MMP16: variants seen among roughly 807,000 people sequenced by gnomAD.
The protein encoded by MMP16 is matrix metallopeptidase 16, also known as matrix metalloproteinase-16.
MMP16 carries 12 observed loss-of-function variants against 67.8 expected under a neutral mutation model. That is an observed-to-expected ratio of 0.18 (90% CI 0.11 to 0.29). The LOEUF (loss-of-function observed/expected upper bound fraction) is 0.29, where lower values mean the gene tolerates loss of function less well. MMP16 is among the 10% of genes least tolerant of loss of function. MMP16 has a pLI of 1.00. For synonymous variants in MMP16, 249 were observed against 255.9 expected (o/e 0.97, Z 0.26); for missense variants, 475 against 765.7 (o/e 0.62, Z 4.48).
intron 1 of MMP16, among the ~76,000 whole-genome samples, chr8:88,212,976 A>G (rs1452951084): frequency 6.6e-6 from 1 of 152,174 alleles, no homozygotes; most frequent in Non-Finnish European, 1.5e-5. Context: ...TTCTGAATAA[A>G]CTTTTCTATG....
At chr8:88,285,661 T>C (rs752329802) in intron 1 of MMP16, among the ~76,000 whole-genome samples, 2 of 152,180 alleles carry the variant, frequency 1.3e-5, no homozygotes, top group Non-Finnish European at 2.9e-5. Context: ...TCTCTATTTA[T>C]ATATTTCACC....
intron 1 of MMP16, among the ~76,000 whole-genome samples, chr8:88,251,338 G>C (rs1245515411): frequency 6.6e-6 from 1 of 150,998 alleles, no homozygotes; most frequent in South Asian, 2.1e-4. Context: ...AAATAATGCC[G>C]CATATCTACA....
intron 6 of MMP16, among the ~76,000 whole-genome samples, chr8:88,077,890 T>C (rs1039197553): frequency 5.9e-5 from 9 of 152,302 alleles, no homozygotes; most frequent in African/African-American, 1.9e-4. Context: ...TTAAAGGTCT[T>C]TGAACCATAA....
chr8:88,306,577 C>A (rs1811214730), intron 1 of MMP16, among the ~76,000 whole-genome samples: 1 of 152,090 alleles, frequency 6.6e-6, no homozygotes, highest in South Asian at 2.1e-4. Context: ...AAAGCATATG[C>A]ACTACAATCA....
intron 8 of MMP16, among the ~76,000 whole-genome samples, chr8:88,055,552 A>G (rs1808321560): frequency 6.6e-6 from 1 of 152,208 alleles, no homozygotes; most frequent in South Asian, 2.1e-4. Context: ...TTTTGTGAAC[A>G]CTGTTAGCAA....
rs1808054031 is a variant in MMP16, at chr8:88,036,356, A to C, written c.*5105T>G. The C allele has an allele frequency of 6.6e-6, 1 of 151,842 alleles. No individual in the cohort carries two copies. The highest frequency in any genetic ancestry group is 1.5e-5 in the Non-Finnish European group (1 of 67,824). The allele number at this position is 151,842 out of a possible 1,614,324, so 9.4% of individuals were successfully genotyped here. A position where few individuals can be genotyped will look rare whatever the true frequency, so the allele number is the denominator to read the frequency against. ...CAGTTGTATTATCAAGGAGTGTTAT[A>C]GTTTGTCTTTATATTTAACAAAAGA... is the stretch of plus-strand genomic sequence containing the variant. On this transcript the variant is annotated 3_prime_UTR_variant, in exon 10 of 10. Transcript: ENST00000286614.
chr8:88,116,946 G>C (rs1032479577), intron 5 of MMP16, among the ~76,000 whole-genome samples: 1 of 152,048 alleles, frequency 6.6e-6, no homozygotes, highest in African/African-American at 2.4e-5. Context: ...CAGGTAGCTA[G>C]GTTTTCTTTG....
rs1810051832 is a variant in MMP16 at position 88,242,709 on chromosome 8, A to ATTAAT, written c.133-45404_133-45403insATTAA. 5.9e-5 allele frequency among the ~76,000 whole-genome samples: 9 copies of ATTAAT among 152,338 alleles called. No homozygotes were observed. The South Asian group carries it at 1.9e-3, about 32-fold the overall frequency. ...TTTAAAGTAAAAACAGAACTCTGAA[A>ATTAAT]TATTAAGTGTAGCAGAACTCTATTA... On this transcript the variant is annotated intron_variant, in intron 1 of 9. Transcript: ENST00000286614.
chr8:88,311,602 G>A (rs1017648918), intron 1 of MMP16, among the ~76,000 whole-genome samples: 2 of 152,014 alleles, frequency 1.3e-5, no homozygotes, highest in South Asian at 2.1e-4. Flanking sequence ...TTTATGACAT[G>A]TCATTTTTAA....
chr8:88,261,569 T>C (rs977532058), intron 1 of MMP16, among the ~76,000 whole-genome samples: 13 of 151,968 alleles, frequency 8.6e-5, no homozygotes, highest in Non-Finnish European at 1.9e-4. Context: ...AGTCACTCAA[T>C]TAAAACTCCT....
At chr8:88,162,102 A>T (rs1159467088) in intron 4 of MMP16, among the ~76,000 whole-genome samples, 1 of 152,014 alleles carries the variant, frequency 6.6e-6, no homozygotes, top group Non-Finnish European at 1.5e-5. Context: ...TGTTTTTGTA[A>T]TACTAACATA....
At chr8:88,145,822 G>A (rs1808280983) in intron 4 of MMP16, among the ~76,000 whole-genome samples, 1 of 151,800 alleles carries the variant, frequency 6.6e-6, no homozygotes, top group Non-Finnish European at 1.5e-5. Flanking sequence ...ACCTCCTAGG[G>A]GACAGTTAGA....
chr8:88,146,138 T>C (rs1457804341), intron 4 of MMP16, among the ~76,000 whole-genome samples: 1 of 152,028 alleles, frequency 6.6e-6, no homozygotes, highest in Non-Finnish European at 1.5e-5. Flanking sequence ...CAAATGCTCC[T>C]TTTTGCATGA....
At chr8:88,076,362 C>T (rs551321980) in intron 6 of MMP16, among the ~76,000 whole-genome samples, 5 of 152,074 alleles carry the variant, frequency 3.3e-5, no homozygotes, top group Non-Finnish European at 7.4e-5. Flanking sequence ...TATATTGAAA[C>T]GAGTTATCTA....
chr8:88,199,885 G>C (rs1270979216), intron 1 of MMP16, among the ~76,000 whole-genome samples: 1 of 151,876 alleles, frequency 6.6e-6, no homozygotes, highest in African/African-American at 2.4e-5. Flanking sequence ...GACTGGTTGT[G>C]CCTTAATGTC....
At chr8:88,056,668 G>A (rs1322957274) in intron 7 of MMP16, among the ~76,000 whole-genome samples, 1 of 152,076 alleles carries the variant, frequency 6.6e-6, no homozygotes, top group Non-Finnish European at 1.5e-5. Context: ...TTTGAGCAAC[G>A]GGTATGCCCT....
chr8:88,205,435 G>C (rs1357206659), intron 1 of MMP16, among the ~76,000 whole-genome samples: 1 of 152,162 alleles, frequency 6.6e-6, no homozygotes, highest in African/African-American at 2.4e-5. Context: ...AAAACACCCT[G>C]TTTTGCACCA....
chr8:88,267,496 G>A (rs1471447326), intron 1 of MMP16, among the ~76,000 whole-genome samples: 2 of 152,130 alleles, frequency 1.3e-5, no homozygotes, highest in African/African-American at 4.8e-5. Context: ...GTGAATTTCT[G>A]TATGCTAAGA....
rs138853871 is a variant in MMP16 at position 88,096,109 on chromosome 8, C to T, written c.1083+20398G>A. Among the ~76,000 whole-genome samples, 8 of 151,956 alleles carry T rather than the reference C, an allele frequency of 5.3e-5. No individual in the cohort carries two copies. The East Asian group carries it at 9.7e-4, about 18-fold the overall frequency. On this transcript the variant is annotated intron_variant, in intron 6 of 9. Coordinates refer to ENST00000286614, the MANE Select transcript of MMP16 (RefSeq NM_005941.5). ...AAACCCAGAGAGCTTGAAAGAAGAA[C>T]GTTGTTTATTGATTTTGGTACAAAC... is the stretch of plus-strand genomic sequence containing the variant.
Sources: allele counts gnomAD v4.1 joint callset (sites outside exome capture counted in the v4.1 genomes callset), GRCh38; gene constraint gnomAD v4.1.1; transcripts MANE v1.5; gene names NCBI Gene and HGNC (gene_info 2026-07-23, HGNC 2026-07-21).